Variants in ANKFN1 observed in about 807,000 individuals in gnomAD.
The protein encoded by ANKFN1 is ankyrin repeat and fibronectin type III domain containing 1, also known as ankyrin repeat and fibronectin type-III domain-containing protein 1.
Under a neutral mutation model 108.7 loss-of-function variants are expected in ANKFN1, and 74 were observed. That is an observed-to-expected ratio of 0.68 (90% CI 0.56 to 0.83). The LOEUF is 0.83. Ranked by LOEUF, ANKFN1 falls within the 40% of genes least tolerant of loss-of-function variation. ANKFN1 has a pLI of 0.00. For synonymous variants in ANKFN1, 547 were observed against 516.2 expected (o/e 1.06, Z -0.81); for missense variants, 1,505 against 1,382.3 (o/e 1.09, Z -1.41).
At chr17:56,207,752 C>A (rs916814443) in intron 1 of ANKFN1, among the ~76,000 whole-genome samples, 10 of 152,200 alleles carry the variant, frequency 6.6e-5, no homozygotes, top group Non-Finnish European at 1.0e-4. Flanking sequence ...TCTCCTTTTT[C>A]TTTCTCTTTC....
At position 56,164,430 on chromosome 17, in the gene ANKFN1, A is replaced by G. The variant is rs138070839; in HGVS notation, c.-71+10900A>G. Among the ~76,000 whole-genome samples the G allele has an allele frequency of 3.6e-3, 555 of 152,274 alleles. 1 individual carries two copies. The highest frequency in any genetic ancestry group is 8.2e-3 in the Admixed American group (125 of 15,294). On this transcript the variant is annotated intron_variant, in intron 1 of 20. Transcript: ENST00000682825. ...ATTCATTGTGAGTTTGTCTGTTTCT[A>G]TCGAGACTCTGTGCTGCTTGAGGGT...
In ANKFN1 at chr17:56,226,759, A is replaced by G. The variant is rs574800807; in HGVS notation, c.13-1158A>G. Among the ~76,000 whole-genome samples the G allele has an allele frequency of 6.6e-5, 10 of 152,150 alleles. No individual in the cohort carries two copies. In the South Asian group the frequency reaches 2.1e-3, roughly 32 times the overall value. On this transcript the variant is annotated intron_variant, in intron 2 of 20. Transcript: ENST00000682825. ...GAGAGTGCTGGAGAGAGGAAATACA[A>G]TAAGTCTGGTTGGCTAGTTCAATGG...
intron 9 of ANKFN1, among the ~76,000 whole-genome samples, chr17:56,441,557 CA>C (rs2049106311): frequency 6.6e-6 from 1 of 152,118 alleles, no homozygotes; most frequent in African/African-American, 2.4e-5. Context: ...AGACTGATTC[CA>C]ACCCTATGGC....
At chr17:56,480,037 G>T (rs1202611411) in intron 16 of ANKFN1, among the ~76,000 whole-genome samples, 4 of 152,206 alleles carry the variant, frequency 2.6e-5, no homozygotes, top group Non-Finnish European at 5.9e-5. Context: ...ATTTGGAAAA[G>T]TTCATTAGGA....
chr17:56,369,139 A>C (rs1310050601), intron 6 of ANKFN1, among the ~76,000 whole-genome samples: 1 of 152,230 alleles, frequency 6.6e-6, no homozygotes, highest in African/African-American at 2.4e-5. Context: ...ATTAATCTGG[A>C]CATTCAAGGA....
chr17:56,288,642 A>T (rs899299928), intron 3 of ANKFN1, among the ~76,000 whole-genome samples: 3 of 152,188 alleles, frequency 2.0e-5, no homozygotes, highest in Non-Finnish European at 2.9e-5. Flanking sequence ...CTTACCCTAC[A>T]AGAGTCCACA....
At chr17:56,274,404 C>T (rs796299329) in intron 3 of ANKFN1, among the ~76,000 whole-genome samples, 1 of 152,038 alleles carries the variant, frequency 6.6e-6, no homozygotes, top group East Asian at 1.9e-4. Context: ...ACCCGGGAGG[C>T]GGAGCTTGCA....
chr17:56,497,181 A>C (rs755223078), intron 19 of ANKFN1, among the ~76,000 whole-genome samples: 12 of 152,160 alleles, frequency 7.9e-5, no homozygotes, highest in Non-Finnish European at 1.6e-4. Flanking sequence ...CAACAATCTC[A>C]CTGGGAAAAT....
upstream of ANKFN1, among the ~76,000 whole-genome samples, chr17:56,151,989 G>A (rs867599379): frequency 1.0e-3 from 15 of 14,686 alleles, no homozygotes; most frequent in African/African-American, 2.7e-3. Context: ...AAGTATTAAA[G>A]AGTTTTTTTT....
chr17:56,186,994 C>G (rs60474595), intron 1 of ANKFN1, among the ~76,000 whole-genome samples: 47,477 of 151,966 alleles, frequency 0.31, 8,984 homozygotes, highest in East Asian at 0.51. Context: ...AGAAGAAAAC[C>G]TAGGCAGTAC....
chr17:56,199,554 C>A (rs979752964), intron 1 of ANKFN1, among the ~76,000 whole-genome samples: 14 of 152,134 alleles, frequency 9.2e-5, no homozygotes, highest in Non-Finnish European at 1.9e-4. Flanking sequence ...CCCAGCCCAG[C>A]CCCTAAATAT....
At chr17:56,475,944 C>G (rs1042659846) in intron 15 of ANKFN1, among the ~76,000 whole-genome samples, 3 of 152,172 alleles carry the variant, frequency 2.0e-5, no homozygotes, top group Admixed American at 6.5e-5. Context: ...GCAGGCTTAA[C>G]AGGAAGTATG....
At chr17:56,391,716 G>A (rs8076170) in intron 8 of ANKFN1, among the ~76,000 whole-genome samples, 9,935 of 151,960 alleles carry the variant, frequency 0.065, 1,069 homozygotes, top group African/African-American at 0.23. Context: ...GTGAGCCACC[G>A]CGCCTGACCA....
intron 3 of ANKFN1, among the ~76,000 whole-genome samples, chr17:56,243,780 C>T (rs1326729024): frequency 6.6e-6 from 1 of 152,108 alleles, no homozygotes; most frequent in African/African-American, 2.4e-5. Flanking sequence ...CACACATACA[C>T]ACATACAGGC....
At chr17:56,050,078 G>A (rs990887730) in intron 4 of ANKFN1, among the ~76,000 whole-genome samples, 5 of 151,824 alleles carry the variant, frequency 3.3e-5, no homozygotes, top group Non-Finnish European at 7.4e-5. Flanking sequence ...TTTAATGATT[G>A]CCATTCTAAC....
chr17:56,092,351 T>A (rs1227964835), intron 4 of ANKFN1, among the ~76,000 whole-genome samples: 1 of 144,524 alleles, frequency 6.9e-6, no homozygotes, highest in Non-Finnish European at 1.5e-5. Flanking sequence ...CTCGGCTCAC[T>A]ACAAGCTCTG....
intron 15 of ANKFN1, chr17:56,473,626 C>A (rs577027447): frequency 1.6e-5 from 2 of 127,320 alleles, no homozygotes; most frequent in African/African-American, 3.1e-5. Context: ...CCAGCCTAGG[C>A]GACAAAGTGA....
intron 8 of ANKFN1, among the ~76,000 whole-genome samples, chr17:56,429,827 GA>G (rs1339503566): frequency 6.6e-6 from 1 of 152,222 alleles, no homozygotes; most frequent in African/African-American, 2.4e-5. Flanking sequence ...TAGTGGCTTG[GA>G]TTAGGGTAAT....
chr17:56,196,716 G>A (rs776581167), intron 1 of ANKFN1, among the ~76,000 whole-genome samples: 11 of 152,088 alleles, frequency 7.2e-5, no homozygotes, highest in Non-Finnish European at 1.5e-4. Flanking sequence ...ACTCCAGCCT[G>A]GGTGACAGAG....
Sources: allele counts gnomAD v4.1 joint callset (sites outside exome capture counted in the v4.1 genomes callset), GRCh38; gene constraint gnomAD v4.1.1; transcripts MANE v1.5; gene names NCBI Gene and HGNC (gene_info 2026-07-23, HGNC 2026-07-21).